The following IDUA variants were observed in gnomAD, a reference collection of about 807,000 sequenced individuals.
IDUA encodes alpha-L-iduronidase, also known as iduronidase alpha-L-.
IDUA carries 65 observed loss-of-function variants against 68.9 expected under a neutral mutation model. The observed-to-expected ratio is 0.94, with a 90% CI of 0.77 to 1.16. The LOEUF (loss-of-function observed/expected upper bound fraction) is 1.16. IDUA is among the 50% of genes most tolerant of loss of function. IDUA has a pLI of 0.00. For missense variants in IDUA, 1,046 were observed against 938.0 expected (o/e 1.12, Z -1.50); for synonymous variants, 529 against 433.6 (o/e 1.22, Z -2.73).
chr4:991,894 G>A (rs1418222738), intron 2 of IDUA: 24 of 1,248,710 alleles, frequency 1.9e-5, no homozygotes, highest in Admixed American at 1.2e-4. Flanking sequence ...CCCCCTGCCC[G>A]GTATGGATGG....
chr4:1,001,247 T>G, intron 4 of IDUA: 1 of 636,038 alleles, frequency 1.6e-6, no homozygotes, highest in South Asian at 1.8e-5. Context: ...CTGGGCAGGC[T>G]GCACCCCTAT....
In IDUA at chr4:1,002,878, A is replaced by T; in HGVS notation, c.1336A>T (p.Thr446Ser). ...GGTGCTGATCTACGCGAGCGACGACACCCGCGCCCACCCCAACCGCAGCGT... is the reference window on the plus strand; with the variant it reads ...GGTGCTGATCTACGCGAGCGACGACTCCCGCGCCCACCCCAACCGCAGCGT... The part of the protein sequence containing the change: ...AAVLIYASDD[T>S]RAHPNRSVAV... The change falls in exon 9 of 14, where the codon ACC (threonine) becomes TCC (serine). Residue 446 changes from threonine (T) to serine (S), a missense_variant. Transcript: ENST00000514224. The T allele has an allele frequency of 7.0e-7, 1 of 1,434,076 alleles. No individual in the cohort carries two copies. Among genetic ancestry groups the T allele is most frequent in the Non-Finnish European group, 9.1e-7 (1 of 1,099,448 alleles). The allele number at this position is 1,434,076 out of a possible 1,614,324, so 88.8% of individuals were successfully genotyped here.
In IDUA at chr4:988,288, G is replaced by A. The variant is rs931856210; in HGVS notation, c.299+339G>A. ...CTGAGGGCTGAGCTGAGGTCTCATC[G>A]GTCACAGCACCCTGGGCCCTGACGC... is the stretch of plus-strand genomic sequence containing the variant. On this transcript the variant is annotated intron_variant, in intron 2 of 13. Transcript: ENST00000514224. The A allele has an allele frequency of 3.6e-5, 42 of 1,160,116 alleles. No homozygotes were observed. In the South Asian group the frequency reaches 5.6e-4, roughly 16 times the overall value. 71.9% of individuals were successfully genotyped at this position (1,160,116 alleles called of 1,614,324 possible).
intron 2 of IDUA, chr4:991,008 T>C: frequency 1.9e-6 from 2 of 1,046,650 alleles, no homozygotes; most frequent in Non-Finnish European, 2.7e-6. Context: ...AGCCTTGCTG[T>C]CTTGGGCCAG....
intron 2 of IDUA, chr4:990,223 T>G (rs1714169308): frequency 6.4e-7 from 1 of 1,568,348 alleles, no homozygotes; most frequent in Non-Finnish European, 8.6e-7. Flanking sequence ...GGGCCCCTGG[T>G]GCCGCGGGAT....
At position 996,922 on chromosome 4, in the gene IDUA, G is replaced by A. The variant is rs991633193; in HGVS notation, c.300-3690G>A. Among the ~76,000 whole-genome samples the A allele has an allele frequency of 1.1e-4, 16 of 152,296 alleles. 3 individuals carry two copies. Among genetic ancestry groups the A allele is most frequent in the South Asian group, 2.1e-4 (1 of 4,832 alleles). ...CCGCTTGGCCCACGCAGGACAGGGG[G>A]CGTGGGGGCCCCAGCAACTGGGACC... On this transcript the variant is annotated intron_variant, in intron 2 of 13. Transcript: ENST00000514224.
At chr4:993,957 G>T (rs1343624617) in intron 2 of IDUA, among the ~76,000 whole-genome samples, 1 of 152,232 alleles carries the variant, frequency 6.6e-6, no homozygotes, top group African/African-American at 2.4e-5. Context: ...GACTGGCCAG[G>T]AGTCCTGGTC....
chr4:996,686 C>T (rs2153020310), intron 2 of IDUA, among the ~76,000 whole-genome samples: 1 of 152,350 alleles, frequency 6.6e-6, no homozygotes, highest in East Asian at 1.9e-4. Flanking sequence ...GAGGTCATCA[C>T]TGCAGGATCC....
rs138233223 is a variant in IDUA, at chr4:991,397, A to G, written c.299+3448A>G. The G allele has an allele frequency of 1.2e-5, 20 of 1,612,864 alleles. No homozygotes were observed. The African/African-American group carries it at 1.7e-4, about 14-fold the overall frequency. On this transcript the variant is annotated intron_variant, in intron 2 of 13. Transcript: ENST00000514224. ...ATGAGGTTGGCGAAGAAGGACGTAT[A>G]GAGGCTGTAGATGGGCTGCAGCCCG...
rs1715326157 is a variant in IDUA at position 1,004,491 on chromosome 4, A to T, written c.*98A>T. ...GCCCTCCCATCACCCCCTTTGCAAT[A>T]TATTTTTATATTTTATTATTTTCTT... On this transcript the variant is annotated 3_prime_UTR_variant, in exon 14 of 14. Transcript: ENST00000514224. The surrounding 1 kb of genome is among the most constrained non-coding windows in gnomAD (Gnocchi z 5.0). 8.7e-7 allele frequency: 1 copy of T among 1,154,482 alleles called. No homozygotes were observed. Among genetic ancestry groups the T allele is most frequent in the African/African-American group, 1.6e-5 (1 of 63,662 alleles). The allele number at this position is 1,154,482 out of a possible 1,614,324, so 71.5% of individuals were successfully genotyped here. A position where few individuals can be genotyped will look rare whatever the true frequency, so the allele number is the denominator to read the frequency against.
At chr4:988,549 G>A in intron 2 of IDUA, 1 of 1,286,910 alleles carries the variant, frequency 7.8e-7, no homozygotes, top group South Asian at 2.3e-5. Context: ...GTCAGGTCAG[G>A]CCCATCCCTC....
intron 2 of IDUA, chr4:991,823 C>A (rs756020087): frequency 9.8e-6 from 15 of 1,532,882 alleles, no homozygotes; most frequent in Middle Eastern, 3.3e-4. Flanking sequence ...TGGGGCGGAC[C>A]CCTCGCCCAC....
chr4:1,001,088 T>C (rs1715043710), intron 4 of IDUA, 99 bp downstream of exon 4: 1 of 837,304 alleles, frequency 1.2e-6, no homozygotes, highest in Admixed American at 2.0e-5. Flanking sequence ...AGGAGATACA[T>C]TGGTGGGCAG....
At chr4:988,633 A>G in intron 2 of IDUA, 2 of 1,376,424 alleles carry the variant, frequency 1.5e-6, no homozygotes, top group Non-Finnish European at 1.9e-6. Context: ...GAGGTTCTTG[A>G]TTTCTGAGTG....
intron 2 of IDUA, chr4:990,187 C>CT: frequency 1.3e-6 from 2 of 1,560,898 alleles, no homozygotes; most frequent in Non-Finnish European, 1.7e-6. Context: ...GCGCAGCAGG[C>CT]TCAGCCATGT....
chr4:990,086 G>A (rs770596557), intron 2 of IDUA: 26 of 1,598,518 alleles, frequency 1.6e-5, no homozygotes, highest in South Asian at 5.6e-5. Flanking sequence ...AGGCGGTGTC[G>A]GTAGCGGTCT....
intron 1 of IDUA, 111 bp from the exon 2 acceptor site, chr4:987,698 G>A (rs1415919635): frequency 5.6e-5 from 87 of 1,544,584 alleles, no homozygotes; most frequent in Middle Eastern, 2.2e-4. Context: ...CTGAACGCAC[G>A]GGCAGCGCCT....
At chr4:1,003,745 C>T (rs1160271444) in intron 12 of IDUA, 120 bp downstream of exon 12, 6 of 1,136,490 alleles carry the variant, frequency 5.3e-6, no homozygotes, top group South Asian at 1.3e-5. Context: ...CCTCCCTCGC[C>T]GCCCTGCGTC....
chr4:987,560 A>G, intron 1 of IDUA: 1 of 1,260,600 alleles, frequency 7.9e-7, no homozygotes, highest in Non-Finnish European at 1.1e-6. Context: ...CCTAGAGCTG[A>G]GGTACCCGCC....
Sources: gnomAD v4.1 joint callset for allele counts (sites outside exome capture counted in the v4.1 genomes callset) on GRCh38, gnomAD v4.1.1 for gene constraint, Gnocchi (gnomAD v3.1) non-coding constraint, MANE v1.5 for transcripts, NCBI Gene and HGNC (gene_info 2026-07-23, HGNC 2026-07-21) for gene names.